Variants in TMEM37 observed in about 807,000 individuals in gnomAD.
The protein encoded by TMEM37 is voltage-dependent calcium channel gamma-like subunit.
A neutral mutation model predicts 11.0 loss-of-function variants in TMEM37; 12 were observed. The observed-to-expected ratio is 1.09, with a 90% CI of 0.70 to 1.76. The LOEUF is 1.76. TMEM37 is among the 40% of genes most tolerant of loss of function. The probability of loss-of-function intolerance (pLI) is 0.00; values close to 1 mark genes in which losing one functional copy is unlikely to be tolerated. For missense variants in TMEM37, 203 were observed against 251.2 expected (o/e 0.81, Z 1.30); for synonymous variants, 127 against 110.5 (o/e 1.15, Z -0.94).
rs1682526124 is a variant in TMEM37, at chr2:119,437,483, A to G, written c.*43A>G. ...CCCCTCCAGGGACATCAGATTCCACAAGAAAATATGGTCAAAATGGGACTT... is the reference window on the plus strand; with the variant it reads ...CCCCTCCAGGGACATCAGATTCCACGAGAAAATATGGTCAAAATGGGACTT... On this transcript the variant is annotated 3_prime_UTR_variant, in exon 2 of 2. Coordinates refer to ENST00000306406, the MANE Select transcript of TMEM37 (RefSeq NM_183240.3). The G allele has an allele frequency of 1.9e-6, 3 of 1,573,612 alleles. No individual in the cohort carries two copies. The African/African-American group carries it at 4.1e-5, about 21-fold the overall frequency.
intron 1 of TMEM37, among the ~76,000 whole-genome samples, chr2:119,435,297 C>T (rs1419415040): frequency 6.6e-6 from 1 of 152,302 alleles, no homozygotes; most frequent in East Asian, 1.9e-4. Flanking sequence ...AGAAGCAGGG[C>T]TTTATTTTAT....
upstream of TMEM37, chr2:119,430,307 C>T: frequency 3.5e-6 from 2 of 578,380 alleles, no homozygotes; most frequent in Non-Finnish European, 6.7e-6. Flanking sequence ...CAGCCAGAAA[C>T]TCTGCAGTGG....
chr2:119,437,106 A>C lies in TMEM37; in HGVS notation c.239A>C (p.His80Pro), dbSNP rs200510439. 7.4e-4 allele frequency: 1,195 copies of C among 1,614,054 alleles called. 5 individuals carry two copies. The highest frequency in any genetic ancestry group is 5.1e-4 in the Non-Finnish European group (605 of 1,179,968). Residue 80 changes from histidine (H) to proline (P), a missense_variant, in exon 2 of 2, where the codon CAT (histidine) becomes CCT (proline). His to Pro is a moderately conservative substitution (Grantham distance 77, BLOSUM62 -2). Transcript: ENST00000306406. The stretch of plus-strand genomic sequence containing the variant: ...TGCTTCAGAGACCTGGGCCAGGCCC[A>C]TGTGCCCGGGCTGGCCGTGGGCATG... ...TICFRDLGQA[H>P]VPGLAVGMGL...
In TMEM37 at chr2:119,431,862, A is replaced by T; in HGVS notation, c.-42A>T. 1.6e-6 allele frequency: 2 copies of T among 1,233,092 alleles called. No individual in the cohort carries two copies. Among genetic ancestry groups the T allele is most frequent in the Non-Finnish European group, 2.0e-6 (2 of 989,174 alleles). The allele number at this position is 1,233,092 out of a possible 1,614,324, so 76.4% of individuals were successfully genotyped here. A position where few individuals can be genotyped will look rare whatever the true frequency, so the allele number is the denominator to read the frequency against. ...CTGGCGCCGGCGGCCACAGCGGAGC[A>T]GCTGGAGCGATCGAGGCTGCAGCGC... On this transcript the variant is annotated 5_prime_UTR_variant, in exon 1 of 2. Coordinates refer to ENST00000306406, the MANE Select transcript of TMEM37 (RefSeq NM_183240.3).
intron 1 of TMEM37, among the ~76,000 whole-genome samples, chr2:119,434,739 C>A (rs2104737699): frequency 6.6e-6 from 1 of 152,320 alleles, no homozygotes; most frequent in Admixed American, 6.5e-5. Context: ...CTTGAGGCAT[C>A]CCTCTGCACG....
At position 119,437,474 on chromosome 2, in the gene TMEM37, A is replaced by T. The variant is rs1437817655; in HGVS notation, c.*34A>T. 1.3e-6 allele frequency: 2 copies of T among 1,580,662 alleles called. No homozygotes were observed. The highest frequency in any genetic ancestry group is 2.7e-5 in the African/African-American group (2 of 73,778). ...ATTTTAGGCCCCCTCCAGGGACATC[A>T]GATTCCACAAGAAAATATGGTCAAA... On this transcript the variant is annotated 3_prime_UTR_variant, in exon 2 of 2. Coordinates refer to ENST00000306406, the MANE Select transcript of TMEM37 (RefSeq NM_183240.3).
Position 119,437,343 on chromosome 2 carries a change from C to G in TMEM37, c.476C>G (p.Thr159Ser). 1 of 1,614,268 alleles carries G rather than the reference C, an allele frequency of 6.2e-7. No individual in the cohort carries two copies. Among genetic ancestry groups the G allele is most frequent in the Non-Finnish European group, 8.5e-7 (1 of 1,180,046 alleles). The change falls in exon 2 of 2, where the codon ACC becomes AGC. Residue 159 changes from threonine to serine, a missense_variant. Thr to Ser is a moderately conservative substitution (Grantham distance 58). Transcript: ENST00000306406. ...AACCAAGTCACACTCATCGGCTTCA[C>G]CCTAATGTTTTGGTGCGAATTCACT... ...LRNQVTLIGF[T>S]LMFWCEFTAS... is the part of the protein sequence containing the mutation.
In TMEM37 at chr2:119,437,233, C is replaced by T. The variant is rs1682518345; in HGVS notation, c.366C>T (p.Cys122=). The part of the protein sequence containing the change: ...SQLCEDKHSQ[C]KWVMGSILLL... Reference sequence around the variant, plus strand: ...TGTGCGAGGACAAACACTCACAGTGCAAGTGGGTCATGGGTTCCATCCTCC... The same window carrying T: ...TGTGCGAGGACAAACACTCACAGTGTAAGTGGGTCATGGGTTCCATCCTCC... The change falls in exon 2 of 2, where the codon TGC becomes TGT. Residue 122 remains cysteine, a synonymous_variant. Coordinates refer to ENST00000306406, the MANE Select transcript of TMEM37 (RefSeq NM_183240.3). 4 of 1,614,260 alleles carry T rather than the reference C, an allele frequency of 2.5e-6. No individual in the cohort carries two copies. The highest frequency in any genetic ancestry group is 3.4e-6 in the Non-Finnish European group (4 of 1,180,042).
intron 1 of TMEM37, among the ~76,000 whole-genome samples, chr2:119,433,565 G>A (rs1682444259): frequency 6.6e-6 from 1 of 152,184 alleles, no homozygotes; most frequent in Non-Finnish European, 1.5e-5. Context: ...GAGGCCCTGG[G>A]TTATAGGAGG....
At chr2:119,435,543 T>C (rs919856858) in intron 1 of TMEM37, among the ~76,000 whole-genome samples, 1 of 152,182 alleles carries the variant, frequency 6.6e-6, no homozygotes, top group Non-Finnish European at 1.5e-5. Context: ...TAAAGGAGCT[T>C]CAGACGGAAG....
upstream of TMEM37, chr2:119,430,434 C>T: frequency 2.1e-6 from 1 of 474,292 alleles, no homozygotes; most frequent in Non-Finnish European, 4.4e-6. Flanking sequence ...CCAGTGGACT[C>T]AATGTGGGTG....
upstream of TMEM37, chr2:119,431,820 T>G (rs180970924): frequency 1.8e-6 from 2 of 1,114,132 alleles, no homozygotes; most frequent in Non-Finnish European, 2.3e-6. Context: ...GCCCCGCCCC[T>G]GCGGAGAAGT....
At chr2:119,433,080 C>T (rs948535965) in intron 1 of TMEM37, among the ~76,000 whole-genome samples, 3 of 152,236 alleles carry the variant, frequency 2.0e-5, no homozygotes, top group Non-Finnish European at 4.4e-5. Flanking sequence ...CCTCTAGGAG[C>T]TTACAGCCCA....
chr2:119,437,106 A>G lies in TMEM37; in HGVS notation c.239A>G (p.His80Arg), dbSNP rs200510439. The G allele has an allele frequency of 3.1e-6, 5 of 1,613,936 alleles. No homozygotes were observed. In the East Asian group the frequency reaches 8.9e-5, roughly 29 times the overall value. The part of the protein sequence containing the change: ...TICFRDLGQA[H>R]VPGLAVGMGL... ...TGCTTCAGAGACCTGGGCCAGGCCCATGTGCCCGGGCTGGCCGTGGGCATG... is the reference window on the plus strand; with the variant it reads ...TGCTTCAGAGACCTGGGCCAGGCCCGTGTGCCCGGGCTGGCCGTGGGCATG... Residue 80 changes from histidine to arginine, a missense_variant, in exon 2 of 2, where the codon CAT becomes CGT. Coordinates refer to ENST00000306406, the MANE Select transcript of TMEM37 (RefSeq NM_183240.3).
At chr2:119,434,496 T>A (rs1682462690) in intron 1 of TMEM37, among the ~76,000 whole-genome samples, 1 of 151,438 alleles carries the variant, frequency 6.6e-6, no homozygotes. Flanking sequence ...TACAGACTCC[T>A]GGACCCCCAA....
chr2:119,429,901 G>A (rs1037145467), upstream of TMEM37: 25 of 1,548,770 alleles, frequency 1.6e-5, no homozygotes, highest in East Asian at 2.4e-5. Flanking sequence ...GACCACACAC[G>A]AAACTGGAGA....
intron 1 of TMEM37, among the ~76,000 whole-genome samples, chr2:119,432,910 C>T (rs1434058313): frequency 6.6e-6 from 1 of 152,226 alleles, no homozygotes; most frequent in African/African-American, 2.4e-5. Context: ...ACGGGAGAAA[C>T]CCCACCCACA....
intron 1 of TMEM37, 77 bp from the exon 2 acceptor site, chr2:119,436,812 A>G: frequency 2.5e-6 from 3 of 1,200,698 alleles, no homozygotes; most frequent in South Asian, 2.8e-5. Flanking sequence ...TGGAGGGCTC[A>G]GGGGTCTTCC....
chr2:119,436,215 C>A (rs1682492514), intron 1 of TMEM37, among the ~76,000 whole-genome samples: 1 of 152,192 alleles, frequency 6.6e-6, no homozygotes, highest in African/African-American at 2.4e-5. Flanking sequence ...GCTGCAATGG[C>A]CTTCCCATGC....
Sources: gnomAD v4.1 joint callset for allele counts (sites outside exome capture counted in the v4.1 genomes callset) on GRCh38, gnomAD v4.1.1 for gene constraint, MANE v1.5 for transcripts, NCBI Gene and HGNC (gene_info 2026-07-23, HGNC 2026-07-21) for gene names.